Variants in MEI4 observed in about 807,000 individuals in gnomAD.
The protein encoded by MEI4 is meiotic double-stranded break formation protein 4, also known as meiosis-specific protein MEI4.
MEI4 carries 27 observed loss-of-function variants against 31.4 expected under a neutral mutation model. The ratio of observed to expected loss-of-function variants is 0.86; its 90% CI spans 0.63 to 1.19. MEI4 has a LOEUF of 1.19. Ranked by LOEUF, MEI4 falls within the 50% of genes most tolerant of loss-of-function variation. The pLI, the probability that MEI4 is intolerant of heterozygous loss-of-function variation, is 0.00. For synonymous variants in MEI4, 122 were observed against 145.4 expected (o/e 0.84, Z 1.16); for missense variants, 329 against 398.9 (o/e 0.82, Z 1.49).
chr6:77,681,177 C>T (rs1402856575), intron 1 of MEI4, among the ~76,000 whole-genome samples: 2 of 152,104 alleles, frequency 1.3e-5, no homozygotes, highest in African/African-American at 4.8e-5. Context: ...TCTCAGTTGT[C>T]TCTTCTGGTT....
chr6:77,843,700 C>A (rs1015866322), intron 4 of MEI4, among the ~76,000 whole-genome samples: 1 of 152,046 alleles, frequency 6.6e-6, no homozygotes, highest in African/African-American at 2.4e-5. Context: ...CCTCTACTTT[C>A]TAATTTCAGA....
intron 2 of MEI4, among the ~76,000 whole-genome samples, chr6:77,737,724 A>C (rs1172949306): frequency 6.6e-6 from 1 of 152,170 alleles, no homozygotes; most frequent in Admixed American, 6.5e-5. Context: ...AAAGCCCCCA[A>C]AGGGGAACAA....
At chr6:77,908,756 C>T (rs1766359804) in intron 4 of MEI4, among the ~76,000 whole-genome samples, 2 of 151,958 alleles carry the variant, frequency 1.3e-5, no homozygotes, top group South Asian at 4.1e-4. Context: ...ACAAAGAAGG[C>T]CATTACATAA....
At chr6:77,792,462 G>T (rs1768962905) in intron 3 of MEI4, among the ~76,000 whole-genome samples, 1 of 152,062 alleles carries the variant, frequency 6.6e-6, no homozygotes, top group Non-Finnish European at 1.5e-5. Context: ...ATTCTTGCCA[G>T]TACTTGTTTT....
intron 4 of MEI4, among the ~76,000 whole-genome samples, chr6:77,843,793 C>T (rs977917481): frequency 6.6e-6 from 1 of 151,984 alleles, no homozygotes; most frequent in Admixed American, 6.6e-5. Context: ...GATGGGCTGA[C>T]ATTTAAAAAT....
Position 77,924,288 on chromosome 6 carries a change from TCC to T in MEI4, c.*943_*944del, listed in dbSNP as rs1766791424. ...TGGTGTTTCATAAGTTAATTAGCAT[TCC>T]TAAATGTCGTTGGCATTAAAAGTAA... On this transcript the variant is annotated 3_prime_UTR_variant, in exon 5 of 5. Transcript: ENST00000684080. The T allele has an allele frequency of 6.6e-6, 1 of 151,890 alleles. No homozygotes were observed. The highest frequency in any genetic ancestry group is 2.1e-4 in the South Asian group (1 of 4,830). The allele number at this position is 151,890 out of a possible 1,614,324, so 9.4% of individuals were successfully genotyped here. A position where few individuals can be genotyped will look rare whatever the true frequency, so the allele number is the denominator to read the frequency against.
intron 3 of MEI4, among the ~76,000 whole-genome samples, chr6:77,800,293 G>C (rs1769212961): frequency 6.6e-6 from 1 of 151,976 alleles, no homozygotes; most frequent in African/African-American, 2.4e-5. Flanking sequence ...TCGGCTCTCT[G>C]TTTGTCTGTT....
chr6:77,692,592 A>G (rs1232693842), intron 2 of MEI4, among the ~76,000 whole-genome samples: 1 of 152,110 alleles, frequency 6.6e-6, no homozygotes, highest in African/African-American at 2.4e-5. Context: ...AAAAGGACAG[A>G]CATGTAGGAA....
At chr6:77,781,557 T>A (rs1582135459) in intron 3 of MEI4, among the ~76,000 whole-genome samples, 1 of 152,334 alleles carries the variant, frequency 6.6e-6, no homozygotes, top group South Asian at 2.1e-4. Flanking sequence ...GTAATTCACA[T>A]AAACATTAAA....
Position 77,729,688 on chromosome 6 carries a change from AAACAGTGTAGAG to A in MEI4, c.233-31436_233-31425del, listed in dbSNP as rs533480566. On this transcript the variant is annotated intron_variant, in intron 2 of 4. Coordinates refer to ENST00000684080, the MANE Select transcript of MEI4 (RefSeq NM_001322247.2). Reference sequence around the variant, plus strand: ...TTTTTATTCAGCATTTATAGGGTACAAACAGTGTAGAGAACAGATATGAGAATCCCCTGAATA... The same window carrying A: ...TTTTTATTCAGCATTTATAGGGTACAAACAGATATGAGAATCCCCTGAATA... Among the ~76,000 whole-genome samples the A allele has an allele frequency of 1.1e-3, 164 of 152,326 alleles. 2 individuals are homozygous for A. The highest frequency in any genetic ancestry group is 8.9e-3 in the Admixed American group (136 of 15,290).
At chr6:77,771,902 T>C (rs1481155662) in intron 3 of MEI4, among the ~76,000 whole-genome samples, 1 of 152,058 alleles carries the variant, frequency 6.6e-6, no homozygotes, top group Admixed American at 6.6e-5. Flanking sequence ...AGTTTACTTA[T>C]ATAACAAACC....
At chr6:77,866,215 G>T (rs1771023057) in intron 4 of MEI4, among the ~76,000 whole-genome samples, 1 of 151,936 alleles carries the variant, frequency 6.6e-6, no homozygotes. Context: ...ACATAGTGTT[G>T]GAAGTTCTGG....
intron 2 of MEI4, among the ~76,000 whole-genome samples, chr6:77,741,784 A>G: frequency 1.2e-5 from 1 of 82,788 alleles, no homozygotes; most frequent in African/African-American, 4.9e-5. Flanking sequence ...CCCACCCCAC[A>G]ACAGTCCCCA....
intron 4 of MEI4, among the ~76,000 whole-genome samples, chr6:77,888,429 G>A (rs1394454339): frequency 7.0e-6 from 1 of 142,362 alleles, no homozygotes; most frequent in Non-Finnish European, 1.5e-5. Flanking sequence ...TTTTGCATTT[G>A]CTCTACCCTG....
At chr6:77,746,240 A>G (rs1582094918) in intron 2 of MEI4, among the ~76,000 whole-genome samples, 2 of 152,204 alleles carry the variant, frequency 1.3e-5, no homozygotes, top group East Asian at 3.9e-4. Flanking sequence ...CTAATAAAGA[A>G]GAAAAGAGAG....
chr6:77,921,471 T>A (rs1766701639), intron 4 of MEI4, among the ~76,000 whole-genome samples: 1 of 151,990 alleles, frequency 6.6e-6, no homozygotes, highest in South Asian at 2.1e-4. Flanking sequence ...AGTCGGGCTG[T>A]TTCCCCTTCT....
intron 2 of MEI4, among the ~76,000 whole-genome samples, chr6:77,701,489 G>A (rs1022152301): frequency 6.6e-6 from 1 of 152,148 alleles, no homozygotes; most frequent in Non-Finnish European, 1.5e-5. Flanking sequence ...GATATTCATA[G>A]GAGGGAAGTG....
intron 2 of MEI4, among the ~76,000 whole-genome samples, chr6:77,692,990 C>G (rs1769186839): frequency 6.6e-6 from 1 of 151,904 alleles, no homozygotes; most frequent in Non-Finnish European, 1.5e-5. Flanking sequence ...CCTGCAGATT[C>G]CAATATTCCA....
intron 2 of MEI4, among the ~76,000 whole-genome samples, chr6:77,746,154 A>G (rs1767595734): frequency 6.6e-6 from 1 of 152,124 alleles, no homozygotes; most frequent in African/African-American, 2.4e-5. Flanking sequence ...GACACAAAAA[A>G]CCCTTCAAAA....
Sources: gnomAD v4.1 joint callset for allele counts (sites outside exome capture counted in the v4.1 genomes callset) on GRCh38, gnomAD v4.1.1 for gene constraint, MANE v1.5 for transcripts, NCBI Gene and HGNC (gene_info 2026-07-23, HGNC 2026-07-21) for gene names.